Variants in KIF15 observed in about 807,000 individuals in gnomAD.
KIF15 encodes the protein kinesin-like protein KIF15.
Under a neutral mutation model 190.6 loss-of-function variants are expected in KIF15, and 140 were observed. The observed-to-expected ratio is 0.73, with a 90% confidence interval of 0.64 to 0.84. The LOEUF is 0.84. Among genes scored for constraint, KIF15 ranks in the 40% least tolerant of loss-of-function variants. The pLI is 0.00. For synonymous variants in KIF15, 528 were observed against 551.3 expected (o/e 0.96, Z 0.59); for missense variants, 1,372 against 1,584.4 (o/e 0.87, Z 2.28).
chr3:44,850,178 T>C (rs1158374151), intron 32 of KIF15, among the ~76,000 whole-genome samples: 3 of 152,192 alleles, frequency 2.0e-5, no homozygotes, highest in African/African-American at 7.2e-5. Flanking sequence ...TTTTTAATGA[T>C]CAGCTGACAA....
intron 34 of KIF15, 144 bp downstream of exon 34, chr3:44,852,483 C>A (rs533000182): frequency 1.1e-6 from 1 of 883,134 alleles, no homozygotes; most frequent in Non-Finnish European, 1.7e-6. Flanking sequence ...AAAAGTTGGT[C>A]GTTGCTATTC....
chr3:44,778,980 A>AAAAAC (rs1706033226), intron 4 of KIF15, among the ~76,000 whole-genome samples: 1 of 28,740 alleles, frequency 3.5e-5, no homozygotes. Context: ...ACTCCGCCTC[A>AAAAAC]AAAAAAAAAA....
At chr3:44,855,668 TGA>T (rs1182951606), downstream of KIF15, among the ~76,000 whole-genome samples, 5 of 151,638 alleles carry the variant, frequency 3.3e-5, no homozygotes, top group African/African-American at 1.2e-4. Flanking sequence ...GATTTTGGGG[TGA>T]GGGGTGATAT....
At position 44,801,829 on chromosome 3, in the gene KIF15, C is replaced by G; in HGVS notation, c.1364C>G (p.Ser455Cys). 6.2e-7 allele frequency: 1 copy of G among 1,609,692 alleles called. No individual in the cohort carries two copies. The highest frequency in any genetic ancestry group is 2.2e-5 in the East Asian group (1 of 44,840). Residue 455 changes from serine to cysteine, a missense_variant, in exon 13 of 35, where the codon TCT becomes TGT. Ser to Cys is a moderately radical substitution (Grantham distance 112, BLOSUM62 -1). Transcript: ENST00000326047. ...LTLKKEKFIQ[S>C]NKMIVKFRED... Reference sequence around the variant, plus strand: ...CTCAAAAAGGAAAAATTTATTCAATCTAATAAAATGATTGTGAAATTCCGA... The same window carrying G: ...CTCAAAAAGGAAAAATTTATTCAATGTAATAAAATGATTGTGAAATTCCGA...
chr3:44,797,407 T>C (rs1034026036), intron 8 of KIF15, 144 bp from the exon 9 acceptor site: 2 of 749,238 alleles, frequency 2.7e-6, no homozygotes, highest in African/African-American at 3.6e-5. Flanking sequence ...TTCTTTTTTA[T>C]TTGTTGAATA....
In KIF15 at chr3:44,826,480, T is replaced by C. The variant is rs1697658898; in HGVS notation, c.2786+20T>C. ...TTCTAAGTGAGTGCTATTTATTTTT[T>C]CTACTAGCATACTAGAATATTGTTT... On this transcript the variant is annotated intron_variant, in intron 22 of 34. Transcript: ENST00000326047. 2.7e-6 allele frequency: 4 copies of C among 1,469,462 alleles called. No homozygotes were observed. The highest frequency in any genetic ancestry group is 3.8e-6 in the Non-Finnish European group (4 of 1,056,992). 91.0% of individuals were successfully genotyped at this position (1,469,462 alleles called of 1,614,324 possible).
chr3:44,814,899 T>A lies in KIF15; in HGVS notation c.2384-12T>A. 6.4e-7 allele frequency: 1 copy of A among 1,574,320 alleles called. No individual in the cohort carries two copies. ...AGAAACCTACTGAGGATATGTTTTC[T>A]TTGTTTTTTAGTTTTGAAAAGTGAG... On this transcript the variant is annotated splice_polypyrimidine_tract_variant and intron_variant, in intron 19 of 34. Transcript: ENST00000326047.
In KIF15 at chr3:44,813,069, C is replaced by T. The variant is rs1707868147; in HGVS notation, c.2278-6C>T. 1.9e-6 allele frequency: 3 copies of T among 1,550,632 alleles called. No homozygotes were observed. Among genetic ancestry groups the T allele is most frequent in the Non-Finnish European group, 2.6e-6 (3 of 1,145,056 alleles). Reference sequence around the variant, plus strand: ...TTTTCCAGTAAATTTATCTTTTTTCCCAAAGCTTTTCTCATCAGAAAGAAT... The same window carrying T: ...TTTTCCAGTAAATTTATCTTTTTTCTCAAAGCTTTTCTCATCAGAAAGAAT... On this transcript the variant is annotated splice_polypyrimidine_tract_variant and splice_region_variant and intron_variant, in intron 18 of 34. Transcript: ENST00000326047.
chr3:44,774,379 C>A lies in KIF15; in HGVS notation c.20-16C>A, dbSNP rs375779069. 8.0e-7 allele frequency: 1 copy of A among 1,252,454 alleles called. No individual in the cohort carries two copies. Among genetic ancestry groups the A allele is most frequent in the East Asian group, 2.9e-5 (1 of 34,182 alleles). The allele number at this position is 1,252,454 out of a possible 1,614,324, so 77.6% of individuals were successfully genotyped here. ...TTACAATTTAAATGACCTTTAATAA[C>A]TTTTTTTTTTTCTAGCTGAGTTACG... On this transcript the variant is annotated splice_polypyrimidine_tract_variant and intron_variant, in intron 1 of 34. Transcript: ENST00000326047.
At chr3:44,786,073 G>A (rs1438360500) in intron 6 of KIF15, among the ~76,000 whole-genome samples, 6 of 152,028 alleles carry the variant, frequency 3.9e-5, no homozygotes, top group Non-Finnish European at 7.4e-5. Context: ...AAAATTAGCC[G>A]GGCGTGGTGG....
intron 3 of KIF15, among the ~76,000 whole-genome samples, chr3:44,776,282 C>T (rs1350590189): frequency 6.7e-6 from 1 of 149,228 alleles, no homozygotes; most frequent in Non-Finnish European, 1.5e-5. Flanking sequence ...AAATTATGGG[C>T]GTAGTGGCAC....
chr3:44,828,360 T>C lies in KIF15; in HGVS notation c.2943+60T>C, dbSNP rs151112122. 5.4e-4 allele frequency: 657 copies of C among 1,219,902 alleles called. 9 individuals are homozygous for C. In the African/African-American group the frequency reaches 8.3e-3, roughly 15 times the overall value. 75.6% of individuals were successfully genotyped at this position (1,219,902 alleles called of 1,614,324 possible). A position where few individuals can be genotyped will look rare whatever the true frequency, so the allele number is the denominator to read the frequency against. The stretch of plus-strand genomic sequence containing the variant: ...TTTTCTTATAAATGCTAGTTTAACA[T>C]TTTGTTCTCCTACCTCTTCTTGCAC... On this transcript the variant is annotated intron_variant, in intron 24 of 34. Coordinates refer to ENST00000326047, the MANE Select transcript of KIF15 (RefSeq NM_020242.3).
intron 26 of KIF15, among the ~76,000 whole-genome samples, chr3:44,831,484 A>G (rs920886146): frequency 4.6e-5 from 7 of 152,238 alleles, no homozygotes; most frequent in African/African-American, 1.7e-4. Flanking sequence ...GCAGAGTGGA[A>G]ACTGCATTTA....
chr3:44,791,204 G>A (rs768730370), intron 7 of KIF15, among the ~76,000 whole-genome samples: 9 of 151,868 alleles, frequency 5.9e-5, no homozygotes, highest in Non-Finnish European at 1.2e-4. Context: ...CCAGTATGCA[G>A]CATGATTTAT....
chr3:44,809,548 T>TA (rs534974215), intron 16 of KIF15, among the ~76,000 whole-genome samples: 169 of 152,112 alleles, frequency 1.1e-3, no homozygotes, highest in African/African-American at 4.0e-3. Flanking sequence ...GGATTTAACT[T>TA]AAAAAAAGTA....
At chr3:44,859,589 G>A (rs1443320923) in intron 6 of KIF15, among the ~76,000 whole-genome samples, 2 of 152,226 alleles carry the variant, frequency 1.3e-5, no homozygotes, top group Non-Finnish European at 2.9e-5. Context: ...GAGCCCAGCA[G>A]GTTGAGGCTG....
At chr3:44,763,131 T>G (rs1705219954) in intron 1 of KIF15, among the ~76,000 whole-genome samples, 1 of 152,218 alleles carries the variant, frequency 6.6e-6, no homozygotes, top group African/African-American at 2.4e-5. Context: ...GGGGAACTTT[T>G]CCACTCCTTT....
chr3:44,765,225 C>T (rs1041547957), intron 1 of KIF15, among the ~76,000 whole-genome samples: 1 of 152,132 alleles, frequency 6.6e-6, no homozygotes, highest in Admixed American at 6.5e-5. Context: ...ACTTTGGGTT[C>T]CTTTTAGATT....
intron 1 of KIF15, 94 bp from the exon 2 acceptor site, chr3:44,774,298 AGGC>A: frequency 1.0e-6 from 1 of 970,894 alleles, no homozygotes; most frequent in Non-Finnish European, 1.6e-6. Flanking sequence ...GGATCTGAGG[AGGC>A]TGAATGTAGC....
Sources: gnomAD v4.1 joint callset for allele counts (sites outside exome capture counted in the v4.1 genomes callset) on GRCh38, gnomAD v4.1.1 for gene constraint, MANE v1.5 for transcripts, NCBI Gene and HGNC (gene_info 2026-07-23, HGNC 2026-07-21) for gene names.